Variants in KIAA1191 observed in about 807,000 individuals in gnomAD.
KIAA1191 encodes KIAA1191.
In KIAA1191, 22 loss-of-function variants were observed where a neutral mutation model predicts 31.1. That is an observed-to-expected ratio of 0.71 (90% CI 0.51 to 1.01). KIAA1191 has a LOEUF of 1.01. KIAA1191 is among the 50% of genes least tolerant of loss of function. The pLI is 0.00. For synonymous variants in KIAA1191, 130 were observed against 143.9 expected (o/e 0.90, Z 0.69); for missense variants, 319 against 388.0 (o/e 0.82, Z 1.49).
intron 1 of KIAA1191, 67 bp from the exon 2 acceptor site, chr5:176,359,985 C>T (rs1561763843): frequency 6.2e-6 from 1 of 161,978 alleles, no homozygotes; most frequent in Non-Finnish European, 1.4e-5. Context: ...GTTTATTCCC[C>T]ACAACAACCT....
rs184883315 is a variant in KIAA1191 at position 176,347,492 on chromosome 5, C to T, written c.*108G>A. 2.0e-3 allele frequency: 1,869 copies of T among 936,782 alleles called. 4 individuals are homozygous for T. The highest frequency in any genetic ancestry group is 2.5e-3 in the Non-Finnish European group (1,679 of 661,504). 58.0% of individuals were successfully genotyped at this position (936,782 alleles called of 1,614,324 possible). ...CTGGGATTACAGGCGTGAGCCACCACGCCCAGCTGATTAAGTTTTTAAATA... is the reference window on the plus strand; with the variant it reads ...CTGGGATTACAGGCGTGAGCCACCATGCCCAGCTGATTAAGTTTTTAAATA... On this transcript the variant is annotated 3_prime_UTR_variant, in exon 9 of 9. Transcript: ENST00000298569.
In KIAA1191 at chr5:176,353,127, T is replaced by C. The variant is rs150173234; in HGVS notation, c.208-379A>G. On this transcript the variant is annotated intron_variant, in intron 4 of 8. Coordinates refer to ENST00000298569, the MANE Select transcript of KIAA1191 (RefSeq NM_020444.5). ...GCTAGATCTTAATTGATGAGAGCAC[T>C]GGCTAAGTGGTTCTGACCCTGTGCC... The C allele has an allele frequency of 4.2e-3, 692 of 165,646 alleles. 7 individuals carry two copies. The highest frequency in any genetic ancestry group is 0.015 in the African/African-American group (647 of 42,082). 10.3% of individuals were successfully genotyped at this position (165,646 alleles called of 1,614,324 possible). A position where few individuals can be genotyped will look rare whatever the true frequency, so the allele number is the denominator to read the frequency against.
intron 4 of KIAA1191, among the ~76,000 whole-genome samples, chr5:176,354,852 G>A (rs1479038810): frequency 6.6e-6 from 1 of 152,158 alleles, no homozygotes; most frequent in Non-Finnish European, 1.5e-5. Flanking sequence ...ACCGTGGGGA[G>A]CTCAGAGGGA....
At position 176,361,713 on chromosome 5, in the gene KIAA1191, T is replaced by A. The variant is rs561014308; in HGVS notation, c.-279A>T. The stretch of plus-strand genomic sequence containing the variant: ...GGCGCAGTCTGGACCCAAGCCATTG[T>A]GAGAGCGGCGGCGATTTCGAAGGTC... On this transcript the variant is annotated 5_prime_UTR_variant, in exon 1 of 9. Coordinates refer to ENST00000298569, the MANE Select transcript of KIAA1191 (RefSeq NM_020444.5). This position sits in a 1 kb window ranked among gnomAD's most constrained non-coding sequence, Gnocchi z 4.0. 1 of 152,464 alleles carries A rather than the reference T, an allele frequency of 6.6e-6. No individual in the cohort carries two copies. The highest frequency in any genetic ancestry group is 6.5e-5 in the Admixed American group (1 of 15,306). 9.4% of individuals were successfully genotyped at this position (152,464 alleles called of 1,614,324 possible). A position where few individuals can be genotyped will look rare whatever the true frequency, so the allele number is the denominator to read the frequency against.
chr5:176,355,360 C>T lies in KIAA1191; in HGVS notation c.207+211G>A, dbSNP rs552253246. On this transcript the variant is annotated intron_variant, in intron 4 of 8. Coordinates refer to ENST00000298569, the MANE Select transcript of KIAA1191 (RefSeq NM_020444.5). This position sits in a 1 kb window ranked among gnomAD's most constrained non-coding sequence, Gnocchi z 4.2. ...CAATTCATCCATGCGAACAACACCT[C>T]GGGTAACCCTAAAGCTACTGATTTT... Among the ~76,000 whole-genome samples the T allele has an allele frequency of 3.3e-5, 5 of 151,812 alleles. No homozygotes were observed. In the East Asian group the frequency reaches 7.7e-4, roughly 23 times the overall value.
chr5:176,350,644 G>A lies in KIAA1191; in HGVS notation c.428C>T (p.Thr143Ile), dbSNP rs1222728756. The change falls in exon 6 of 9, where the codon ACC becomes ATC. Residue 143 changes from threonine (T) to isoleucine (I), a missense_variant. Physicochemically the swap from Thr to Ile is moderately conservative, Grantham distance 89 (BLOSUM62 -1). Coordinates refer to ENST00000298569, the MANE Select transcript of KIAA1191 (RefSeq NM_020444.5). ...TGCTTCGGCCACTCGAAGGTACTTG[G>A]TCTCCTCGGTGGTGAGGCCCTTGTG... ...TPHKGLTTEE[T>I]KYLRVAEALH... 1.2e-6 allele frequency: 2 copies of A among 1,613,952 alleles called. No homozygotes were observed. The highest frequency in any genetic ancestry group is 1.7e-6 in the Non-Finnish European group (2 of 1,180,038).
chr5:176,348,073 A>T lies in KIAA1191; in HGVS notation c.567-10T>A. On this transcript the variant is annotated splice_polypyrimidine_tract_variant and intron_variant, in intron 7 of 8. Transcript: ENST00000298569. Reference sequence around the variant, plus strand: ...AGAAGTGAACCAGCCCCTGGGAAAGAAAGAACAAAACATATCCTAAAATAC... The same window carrying T: ...AGAAGTGAACCAGCCCCTGGGAAAGTAAGAACAAAACATATCCTAAAATAC... The T allele has an allele frequency of 6.2e-7, 1 of 1,613,216 alleles. No homozygotes were observed. The highest frequency in any genetic ancestry group is 8.5e-7 in the Non-Finnish European group (1 of 1,179,694).
rs756905863 is a variant in KIAA1191, at chr5:176,347,676, T to G, written c.842A>C (p.Glu281Ala). The G allele has an allele frequency of 1.9e-6, 3 of 1,584,816 alleles. No individual in the cohort carries two copies. The highest frequency in any genetic ancestry group is 3.7e-5 in the Admixed American group (2 of 53,658). Residue 281 changes from glutamate (E) to alanine (A), a missense_variant, in exon 9 of 9, where the codon GAA becomes GCA. Coordinates refer to ENST00000298569, the MANE Select transcript of KIAA1191 (RefSeq NM_020444.5). ...KPPKMDIPVM[E>A]GKKQPPRAHN... is the part of the protein sequence containing the mutation. ...GGCCCGTGGTGGCTGTTTCTTTCCT[T>G]CCATCACTGGGATGTCCATCTTGGG...
At chr5:176,348,478 A>G (rs550568175) in intron 6 of KIAA1191, 122 bp from the exon 7 acceptor site, 1 of 653,134 alleles carries the variant, frequency 1.5e-6, no homozygotes, top group Admixed American at 2.7e-5. Context: ...TACAGGTGGA[A>G]TGATTTCGGA....
intron 3 of KIAA1191, among the ~76,000 whole-genome samples, chr5:176,359,164 C>T (rs1191293399): frequency 7.7e-6 from 1 of 130,578 alleles, no homozygotes; most frequent in East Asian, 2.4e-4. Context: ...ACAAAAAATA[C>T]AAAAATTAGC....
At chr5:176,354,283 A>G (rs1266468000) in intron 4 of KIAA1191, 1 of 152,238 alleles carries the variant, frequency 6.6e-6, no homozygotes, top group East Asian at 1.9e-4. Flanking sequence ...GCTAGGGCAG[A>G]CCACCTGGGA....
At chr5:176,358,859 C>T (rs913298177) in intron 3 of KIAA1191, among the ~76,000 whole-genome samples, 13 of 152,082 alleles carry the variant, frequency 8.5e-5, no homozygotes, top group African/African-American at 2.7e-4. Flanking sequence ...CCGAGGCGGG[C>T]GGATCACAAG....
At chr5:176,348,733 G>C (rs1439730818) in intron 6 of KIAA1191, among the ~76,000 whole-genome samples, 2 of 151,968 alleles carry the variant, frequency 1.3e-5, no homozygotes, top group Non-Finnish European at 2.9e-5. Flanking sequence ...TCTCGCTGCT[G>C]CTCCTACCAT....
Position 176,355,477 on chromosome 5 carries a change from A to G in KIAA1191, c.207+94T>C. ...CACATACAGGGAGTGGTTGCTGCCC[A>G]GTCCCATGGGCACAGGGAGCCACTG... is the stretch of plus-strand genomic sequence containing the variant. On this transcript the variant is annotated intron_variant, in intron 4 of 8. Coordinates refer to ENST00000298569, the MANE Select transcript of KIAA1191 (RefSeq NM_020444.5). The surrounding 1 kb of genome is among the most constrained non-coding windows in gnomAD (Gnocchi z 4.2). The G allele has an allele frequency of 8.6e-7, 1 of 1,162,246 alleles. No homozygotes were observed. Among genetic ancestry groups the G allele is most frequent in the Non-Finnish European group, 1.2e-6 (1 of 805,524 alleles). 72.0% of individuals were successfully genotyped at this position (1,162,246 alleles called of 1,614,324 possible). A position where few individuals can be genotyped will look rare whatever the true frequency, so the allele number is the denominator to read the frequency against.
At chr5:176,360,974 G>C (rs375084613) in intron 1 of KIAA1191, among the ~76,000 whole-genome samples, 30 of 143,946 alleles carry the variant, frequency 2.1e-4, no homozygotes, top group African/African-American at 7.5e-4. Flanking sequence ...GCCTGAGAAA[G>C]TTACTCTTGT....
At chr5:176,360,375 C>T (rs1767893179) in intron 1 of KIAA1191, among the ~76,000 whole-genome samples, 1 of 151,488 alleles carries the variant, frequency 6.6e-6, no homozygotes, top group Non-Finnish European at 1.5e-5. Flanking sequence ...CCAGGATGGT[C>T]TTGATCTCCT....
Position 176,347,496 on chromosome 5 carries a change from C to A in KIAA1191, c.*104G>T, listed in dbSNP as rs1054183139. 6 of 967,550 alleles carry A rather than the reference C, an allele frequency of 6.2e-6. No homozygotes were observed. In the African/African-American group the frequency reaches 8.3e-5, roughly 13 times the overall value. 59.9% of individuals were successfully genotyped at this position (967,550 alleles called of 1,614,324 possible). On this transcript the variant is annotated 3_prime_UTR_variant, in exon 9 of 9. Coordinates refer to ENST00000298569, the MANE Select transcript of KIAA1191 (RefSeq NM_020444.5). ...GATTACAGGCGTGAGCCACCACGCC[C>A]AGCTGATTAAGTTTTTAAATATACC...
intron 1 of KIAA1191, among the ~76,000 whole-genome samples, chr5:176,360,627 C>G (rs1443801033): frequency 6.6e-6 from 1 of 151,544 alleles, no homozygotes; most frequent in African/African-American, 2.4e-5. Flanking sequence ...ATGGTGAAAC[C>G]CCATCTCTAC....
At chr5:176,350,820 T>C in intron 5 of KIAA1191, 83 bp from the exon 6 acceptor site, 1 of 1,528,072 alleles carries the variant, frequency 6.5e-7, no homozygotes, top group South Asian at 1.2e-5. Flanking sequence ...TCTACTATTC[T>C]CCCCAGAAGC....
Sources: gnomAD v4.1 joint callset for allele counts (sites outside exome capture counted in the v4.1 genomes callset) on GRCh38, gnomAD v4.1.1 for gene constraint, Gnocchi (gnomAD v3.1) non-coding constraint, MANE v1.5 for transcripts, NCBI Gene and HGNC (gene_info 2026-07-23, HGNC 2026-07-21) for gene names.